The following IL1RAPL1 variants were observed in gnomAD, a reference collection of about 807,000 sequenced individuals.
IL1RAPL1 encodes the protein interleukin 1 receptor accessory protein like 1, also known as interleukin-1 receptor accessory protein-like 1.
IL1RAPL1 carries 3 observed loss-of-function variants against 48.4 expected under a neutral mutation model. The observed-to-expected ratio is 0.06, with a 90% CI of 0.03 to 0.16. The LOEUF (loss-of-function observed/expected upper bound fraction) is 0.16, where lower values mean the gene tolerates loss of function less well. Ranked by LOEUF, IL1RAPL1 falls within the 10% of genes least tolerant of loss-of-function variation. The pLI, the probability that IL1RAPL1 is intolerant of heterozygous loss-of-function variation, is 1.00. For missense variants in IL1RAPL1, 349 were observed against 530.6 expected (o/e 0.66, Z 3.36); for synonymous variants, 185 against 187.7 (o/e 0.99, Z 0.12).
chrX:29,094,677 A>C (rs1928167353), intron 2 of IL1RAPL1, among the ~76,000 whole-genome samples: 1 of 97,583 alleles, frequency 1.0e-5, no homozygotes. Flanking sequence ...AGGCTGAGGC[A>C]GGGGAATGGC....
chrX:29,688,728 T>TTCTCTCTCTCTCCC (rs757075885), intron 6 of IL1RAPL1, among the ~76,000 whole-genome samples: 1 of 74,796 alleles, frequency 1.3e-5, no homozygotes, highest in African/African-American at 4.6e-5. Flanking sequence ...TCAGGGTTGC[T>TTCTCTCTCTCTCCC]TCTCTCTCTC....
At chrX:28,615,691 G>A (rs1182609523) in intron 1 of IL1RAPL1, among the ~76,000 whole-genome samples, 1 of 110,762 alleles carries the variant, frequency 9.0e-6, no homozygotes, top group Non-Finnish European at 1.9e-5. Context: ...TCTTAAATGC[G>A]AGTCGCTTAG....
intron 5 of IL1RAPL1, among the ~76,000 whole-genome samples, chrX:29,599,067 C>A (rs752765471): frequency 2.9e-4 from 32 of 111,796 alleles, no homozygotes; most frequent in African/African-American, 9.7e-4. Flanking sequence ...CTATTCTATT[C>A]ATTGTGCTGT....
chrX:28,702,019 C>T (rs196973), intron 1 of IL1RAPL1, among the ~76,000 whole-genome samples: 54,920 of 110,040 alleles, frequency 0.5, 10,235 homozygotes, highest in Middle Eastern at 0.74. Context: ...ACCAGGCTCT[C>T]GTATCTGACA....
At chrX:29,570,235 T>G (rs1020596337) in intron 5 of IL1RAPL1, among the ~76,000 whole-genome samples, 3 of 112,628 alleles carry the variant, frequency 2.7e-5, no homozygotes, top group African/African-American at 9.7e-5. Flanking sequence ...CAAAAATAGC[T>G]GAGAATTGTT....
At chrX:29,260,535 C>T (rs1363935297) in intron 2 of IL1RAPL1, among the ~76,000 whole-genome samples, 1 of 111,448 alleles carries the variant, frequency 9.0e-6, no homozygotes, top group Non-Finnish European at 1.9e-5. Context: ...GGAAACCGCC[C>T]CTATGATTCA....
In IL1RAPL1 at chrX:28,655,357, C is replaced by CT. The variant is rs1934738211; in HGVS notation, c.-25+67316dup. 4.5e-5 allele frequency among the ~76,000 whole-genome samples: 5 copies of CT among 110,661 alleles called. No individual in the cohort carries two copies. In the South Asian group the frequency reaches 1.1e-3, roughly 25 times the overall value. Reference sequence around the variant, plus strand: ...TCATCAACAAAGTATGCAACCATTTCTTTTTTCTTCTTTCCAACTTTTATT... The same window carrying CT: ...TCATCAACAAAGTATGCAACCATTTCTTTTTTTCTTCTTTCCAACTTTTATT... On this transcript the variant is annotated intron_variant, in intron 1 of 10. Coordinates refer to ENST00000378993, the MANE Select transcript of IL1RAPL1 (RefSeq NM_014271.4).
intron 3 of IL1RAPL1, among the ~76,000 whole-genome samples, chrX:29,334,012 C>T: frequency 2.2e-5 from 2 of 89,844 alleles, no homozygotes; most frequent in Non-Finnish European, 4.5e-5. Flanking sequence ...GGGCGGCTGG[C>T]CGGGCGGGGG....
chrX:29,339,371 T>C (rs1215442373), intron 3 of IL1RAPL1, among the ~76,000 whole-genome samples: 1 of 111,564 alleles, frequency 9.0e-6, no homozygotes, highest in Non-Finnish European at 1.9e-5. Flanking sequence ...ACCTAGTACT[T>C]AGCACATAGT....
intron 2 of IL1RAPL1, among the ~76,000 whole-genome samples, chrX:28,845,566 T>A (rs1921487976): frequency 9.0e-6 from 1 of 111,285 alleles, no homozygotes; most frequent in Non-Finnish European, 1.9e-5. Context: ...AATCATTGAT[T>A]TGAATCTAAT....
intron 2 of IL1RAPL1, among the ~76,000 whole-genome samples, chrX:28,972,245 CAAT>C (rs1416072990): frequency 1.8e-5 from 2 of 111,280 alleles, no homozygotes; most frequent in Non-Finnish European, 3.8e-5. Context: ...GAATTTGAAA[CAAT>C]AATAATTATT....
chrX:28,735,527 C>A (rs1353319221), intron 1 of IL1RAPL1, among the ~76,000 whole-genome samples: 1 of 110,811 alleles, frequency 9.0e-6, no homozygotes, highest in Non-Finnish European at 1.9e-5. Flanking sequence ...CCTGTAATCC[C>A]AGAGCTTTGG....
At chrX:29,264,190 G>A (rs1221082089) in intron 2 of IL1RAPL1, among the ~76,000 whole-genome samples, 1 of 111,497 alleles carries the variant, frequency 9.0e-6, no homozygotes, top group East Asian at 2.8e-4. Context: ...GATGCTCTCA[G>A]CACAAATTGG....
chrX:28,720,607 T>C (rs1935561027), intron 1 of IL1RAPL1, among the ~76,000 whole-genome samples: 1 of 112,441 alleles, frequency 8.9e-6, no homozygotes, highest in African/African-American at 3.2e-5. Flanking sequence ...ACTGATTTTT[T>C]TTTATTATTA....
intron 6 of IL1RAPL1, among the ~76,000 whole-genome samples, chrX:29,685,279 G>A (rs980212666): frequency 1.8e-5 from 2 of 111,706 alleles, no homozygotes; most frequent in African/African-American, 6.5e-5. Flanking sequence ...GAGGTGGGCA[G>A]ATCACCTGAG....
At chrX:29,692,574 T>G (rs954116185) in intron 6 of IL1RAPL1, among the ~76,000 whole-genome samples, 2 of 112,529 alleles carry the variant, frequency 1.8e-5, no homozygotes, top group African/African-American at 6.4e-5. Flanking sequence ...TGCATATCTC[T>G]TTTTCTATAG....
At chrX:29,918,145 ATATATATATATAT>A (rs1298126099) in intron 7 of IL1RAPL1, among the ~76,000 whole-genome samples, 2 of 15,292 alleles carry the variant, frequency 1.3e-4, no homozygotes, top group Admixed American at 8.8e-4. Flanking sequence ...AAAAAAAAAA[ATATATATATATAT>A]ATATATATAT....
intron 2 of IL1RAPL1, among the ~76,000 whole-genome samples, chrX:29,087,780 T>A (rs1378154968): frequency 8.9e-6 from 1 of 112,574 alleles, no homozygotes; most frequent in Non-Finnish European, 1.9e-5. Context: ...ACACCTGTAA[T>A]CCTAGAACTT....
intron 2 of IL1RAPL1, among the ~76,000 whole-genome samples, chrX:29,088,397 C>T (rs1164835631): frequency 3.6e-5 from 4 of 110,923 alleles, no homozygotes; most frequent in South Asian, 3.8e-4. Flanking sequence ...ATAATAAGGC[C>T]GGGCGTGGTG....
Sources: gnomAD v4.1 joint callset for allele counts (sites outside exome capture counted in the v4.1 genomes callset) on GRCh38, gnomAD v4.1.1 for gene constraint, MANE v1.5 for transcripts, NCBI Gene and HGNC (gene_info 2026-07-23, HGNC 2026-07-21) for gene names.